The following ZCCHC2 variants were observed in gnomAD, a reference collection of about 807,000 sequenced individuals.
ZCCHC2 encodes the protein zinc finger CCHC domain-containing protein 2.
A neutral mutation model predicts 103.6 loss-of-function variants in ZCCHC2; 39 were observed. The ratio of observed to expected loss-of-function variants is 0.38; its 90% CI spans 0.29 to 0.49. The LOEUF (loss-of-function observed/expected upper bound fraction) is 0.49, where lower values mean the gene tolerates loss of function less well. ZCCHC2 is among the 20% of genes least tolerant of loss of function. The pLI is 0.96. For synonymous variants in ZCCHC2, 687 were observed against 608.9 expected (o/e 1.13, Z -1.89); for missense variants, 1,483 against 1,491.0 (o/e 0.99, Z 0.09).
At chr18:62,572,452 T>C (rs1355001894) in intron 12 of ZCCHC2, among the ~76,000 whole-genome samples, 2 of 152,304 alleles carry the variant, frequency 1.3e-5, no homozygotes, top group South Asian at 2.1e-4. Flanking sequence ...TTTTTTCAAA[T>C]AGGCTGTTAT....
In ZCCHC2 at chr18:62,578,109, G is replaced by C. The variant is rs988681361; in HGVS notation, c.*1530G>C. 16 of 152,186 alleles carry C rather than the reference G, an allele frequency of 1.1e-4. No individual in the cohort carries two copies. Among genetic ancestry groups the C allele is most frequent in the African/African-American group, 3.6e-4 (15 of 41,318 alleles). 9.4% of individuals were successfully genotyped at this position (152,186 alleles called of 1,614,324 possible). Reference sequence around the variant, plus strand: ...AGCTTAATTTCATGCTTCATAAGTAGCATTTATATTTATAGCACCAATGTA... The same window carrying C: ...AGCTTAATTTCATGCTTCATAAGTACCATTTATATTTATAGCACCAATGTA... On this transcript the variant is annotated 3_prime_UTR_variant, in exon 14 of 14. Transcript: ENST00000269499.
At chr18:62,573,063 G>A (rs377371284) in intron 12 of ZCCHC2, among the ~76,000 whole-genome samples, 2 of 152,142 alleles carry the variant, frequency 1.3e-5, no homozygotes, top group African/African-American at 4.8e-5. Flanking sequence ...TCAGGAAGAC[G>A]AATTCGTTTT....
intron 1 of ZCCHC2, among the ~76,000 whole-genome samples, chr18:62,536,568 A>G (rs765044622): frequency 2.0e-4 from 30 of 152,082 alleles, no homozygotes; most frequent in Non-Finnish European, 3.7e-4. Flanking sequence ...CCATCCCCCT[A>G]AGGAAAGTAA....
In ZCCHC2 at chr18:62,558,458, A is replaced by C. The variant is rs142582625; in HGVS notation, c.1409-229A>C. On this transcript the variant is annotated intron_variant, in intron 6 of 13. Transcript: ENST00000269499. ...GCACACTGGGGCTGACAGATATGAA[A>C]TGACTTGTCCAGGTCAGTCGCTCTT... The C allele has an allele frequency of 3.9e-5, 11 of 283,112 alleles. No individual in the cohort carries two copies. In the East Asian group the frequency reaches 6.0e-4, roughly 16 times the overall value. The allele number at this position is 283,112 out of a possible 1,614,324, so 17.5% of individuals were successfully genotyped here.
intron 7 of ZCCHC2, among the ~76,000 whole-genome samples, 196 bp downstream of exon 7, chr18:62,558,966 CA>C (rs1289874542): frequency 1.3e-5 from 2 of 152,106 alleles, no homozygotes; most frequent in Admixed American, 1.3e-4. Flanking sequence ...GGTGTGTGGA[CA>C]AAGAATAGAC....
At chr18:62,533,224 T>A (rs961840660) in intron 1 of ZCCHC2, among the ~76,000 whole-genome samples, 1 of 152,014 alleles carries the variant, frequency 6.6e-6, no homozygotes, top group Non-Finnish European at 1.5e-5. Context: ...TTGGAAAATA[T>A]ATAGCTTTGA....
chr18:62,557,016 T>C (rs1454290228), intron 6 of ZCCHC2, among the ~76,000 whole-genome samples: 1 of 152,234 alleles, frequency 6.6e-6, no homozygotes, highest in African/African-American at 2.4e-5. Context: ...CCTGTGTCTT[T>C]GCTCATTTGT....
At chr18:62,566,768 G>C (rs542397144) in intron 11 of ZCCHC2, among the ~76,000 whole-genome samples, 106 of 152,322 alleles carry the variant, frequency 7.0e-4, no homozygotes, top group African/African-American at 2.5e-3. Context: ...TGATGCCTTT[G>C]TTTGCTCATT....
chr18:62,539,710 A>G lies in ZCCHC2; in HGVS notation c.969A>G (p.Gln323=), dbSNP rs1915090681. 1 of 1,600,348 alleles carries G rather than the reference A, an allele frequency of 6.2e-7. No homozygotes were observed. Among genetic ancestry groups the G allele is most frequent in the Non-Finnish European group, 8.5e-7 (1 of 1,173,192 alleles). Residue 323 remains glutamine (Q), a synonymous_variant, in exon 2 of 14, where the codon CAA becomes CAG. Coordinates refer to ENST00000269499, the MANE Select transcript of ZCCHC2 (RefSeq NM_017742.6). ...ACTCTGCTCATGGTGATTACATGCA[A>G]AATAACGAGAGCAGCTTAATAGAGC... is the stretch of plus-strand genomic sequence containing the variant. ...QNNSAHGDYM[Q]NNESSLIEQA...
rs1261861909 is a variant in ZCCHC2 at position 62,523,506 on chromosome 18, C to T, written c.82C>T (p.Arg28Trp). 1.0e-5 allele frequency: 10 copies of T among 978,374 alleles called. No homozygotes were observed. The highest frequency in any genetic ancestry group is 1.2e-5 in the Non-Finnish European group (10 of 825,568). 60.6% of individuals were successfully genotyped at this position (978,374 alleles called of 1,614,324 possible). A position where few individuals can be genotyped will look rare whatever the true frequency, so the allele number is the denominator to read the frequency against. The change falls in exon 1 of 14, where the codon CGG becomes TGG. Residue 28 changes from arginine (R) to tryptophan (W), a missense_variant. Physicochemically the swap from Arg to Trp is moderately radical, Grantham distance 101. Around this residue, in one of 3 missense-constraint regions of ZCCHC2, gnomAD observed 568 missense variants for 525.1 expected, o/e 1.08. Transcript: ENST00000269499. Reference protein sequence around the residue: ...PEAEEPEADARPGAKAPSRRR... With the variant: ...PEAEEPEADAWPGAKAPSRRR... ...GGCGGAGGAGCCCGAGGCGGACGCG[C>T]GGCCGGGCGCGAAGGCGCCTTCGCG... is the stretch of plus-strand genomic sequence containing the variant.
chr18:62,565,172 C>T (rs4940561), intron 11 of ZCCHC2, 76 bp downstream of exon 11: 1,098,254 of 1,128,284 alleles, frequency 0.97, 534,660 homozygotes, highest in East Asian at 1. Flanking sequence ...TTAATAGATA[C>T]TGAGCTGTTG....
chr18:62,570,340 A>C, intron 12 of ZCCHC2, 109 bp downstream of exon 12: 2 of 1,335,170 alleles, frequency 1.5e-6, no homozygotes, highest in South Asian at 2.7e-5. Flanking sequence ...TTATGATCCT[A>C]TAAATGCCAT....
intron 12 of ZCCHC2, among the ~76,000 whole-genome samples, chr18:62,572,184 G>A (rs1916623285): frequency 1.3e-5 from 2 of 152,162 alleles, no homozygotes. Flanking sequence ...CCAAAGTGTT[G>A]AGATTATAAG....
chr18:62,570,188 T>C lies in ZCCHC2; in HGVS notation c.1932T>C (p.His644=). 1 of 1,611,856 alleles carries C rather than the reference T, an allele frequency of 6.2e-7. No individual in the cohort carries two copies. The highest frequency in any genetic ancestry group is 8.5e-7 in the Non-Finnish European group (1 of 1,178,862). The change falls in exon 12 of 14, where the codon CAT becomes CAC. Residue 644 remains histidine (H), a synonymous_variant. Coordinates refer to ENST00000269499, the MANE Select transcript of ZCCHC2 (RefSeq NM_017742.6). ...ACAGTTCTCCATCTAGTCCCCGACA[T>C]GATGGAAGAGAAAGTTTTGAAAGTG... ...ESYSSPSSPR[H]DGRESFESEE...
chr18:62,528,525 G>C (rs1003350183), intron 1 of ZCCHC2, among the ~76,000 whole-genome samples: 3 of 151,892 alleles, frequency 2.0e-5, no homozygotes, highest in Non-Finnish European at 4.4e-5. Context: ...CTTGAACCTG[G>C]GAGGCAGAGG....
intron 6 of ZCCHC2, among the ~76,000 whole-genome samples, chr18:62,556,649 A>G (rs1915895610): frequency 6.6e-6 from 1 of 151,862 alleles, no homozygotes; most frequent in Admixed American, 6.6e-5. Context: ...ACCTGTTCCC[A>G]ATTGACCTTT....
intron 5 of ZCCHC2, 104 bp downstream of exon 5, chr18:62,550,564 C>A: frequency 1.3e-6 from 1 of 781,982 alleles, no homozygotes; most frequent in Non-Finnish European, 2.1e-6. Flanking sequence ...CTTTCTCTGG[C>A]GTACTTCTTA....
downstream of ZCCHC2, among the ~76,000 whole-genome samples, chr18:62,582,435 T>C (rs1417081393): frequency 6.6e-6 from 1 of 152,148 alleles, no homozygotes; most frequent in Non-Finnish European, 1.5e-5. Flanking sequence ...CACAACACTT[T>C]GGGAGGCCAA....
rs1915878715 is a variant in ZCCHC2 at position 62,556,233 on chromosome 18, T to C, written c.1344T>C (p.Phe448=). ...TATTTTCAAGTTCATCACAAGCTTT[T>C]CTACAAAGTCAGAAAGTACACAGCT... is the stretch of plus-strand genomic sequence containing the variant. ...RQLFSSSSQA[F]LQSQKVHSFF... Residue 448 remains phenylalanine (F), a synonymous_variant, in exon 6 of 14, where the codon TTT becomes TTC. Transcript: ENST00000269499. 1.9e-6 allele frequency: 3 copies of C among 1,605,342 alleles called. No individual in the cohort carries two copies. The highest frequency in any genetic ancestry group is 8.5e-7 in the Non-Finnish European group (1 of 1,175,528).
Sources: gnomAD v4.1 joint callset for allele counts (sites outside exome capture counted in the v4.1 genomes callset) on GRCh38, gnomAD v4.1.1 for gene constraint, gnomAD v4.1.1 regional missense constraint, MANE v1.5 for transcripts, NCBI Gene and HGNC (gene_info 2026-07-23, HGNC 2026-07-21) for gene names.